ZC3H14: variants seen among roughly 807,000 people sequenced by gnomAD.
ZC3H14 encodes the protein zinc finger CCCH domain-containing protein 14.
Under a neutral mutation model 92.4 loss-of-function variants are expected in ZC3H14, and 31 were observed. That is an observed-to-expected ratio of 0.34 (90% confidence interval 0.25 to 0.45). The LOEUF is 0.45. Among genes scored for constraint, ZC3H14 ranks in the 20% least tolerant of loss-of-function variants. The pLI is 1.00. For synonymous variants in ZC3H14, 321 were observed against 300.9 expected (o/e 1.07, Z -0.69); for missense variants, 781 against 897.3 (o/e 0.87, Z 1.66).
intron 9 of ZC3H14, among the ~76,000 whole-genome samples, chr14:88,593,508 G>T (rs1408362335): frequency 1.3e-5 from 2 of 152,146 alleles, no homozygotes; most frequent in Non-Finnish European, 2.9e-5. Context: ...AGACTGTGTG[G>T]TACTGGCATA....
At position 88,615,472 on chromosome 14, in the gene ZC3H14, A is replaced by G. The variant is rs1336969473; in HGVS notation, c.*3721A>G. On this transcript the variant is annotated 3_prime_UTR_variant, in exon 17 of 17. Transcript: ENST00000251038. ...CTAAAAAGATAATGAAAATTATCCA[A>G]ATTGGGTTTTTGAGTTCTTCTGTAA... The G allele has an allele frequency of 8.8e-6, 2 of 226,130 alleles. No individual in the cohort carries two copies. The highest frequency in any genetic ancestry group is 1.7e-5 in the Non-Finnish European group (2 of 116,708). The allele number at this position is 226,130 out of a possible 1,614,324, so 14.0% of individuals were successfully genotyped here.
intron 9 of ZC3H14, among the ~76,000 whole-genome samples, chr14:88,592,833 G>T (rs943961834): frequency 1.3e-5 from 2 of 152,084 alleles, no homozygotes; most frequent in Admixed American, 6.5e-5. Flanking sequence ...ATAGTGAGCA[G>T]CATCTACCAA....
At chr14:88,604,396 G>C (rs1468868994) in intron 12 of ZC3H14, among the ~76,000 whole-genome samples, 1 of 152,078 alleles carries the variant, frequency 6.6e-6, no homozygotes, top group Non-Finnish European at 1.5e-5. Flanking sequence ...TGTGGCTGGA[G>C]AGACTCCTGC....
chr14:88,588,311 G>A (rs1225974487), intron 9 of ZC3H14, among the ~76,000 whole-genome samples: 2 of 152,020 alleles, frequency 1.3e-5, no homozygotes, highest in Non-Finnish European at 2.9e-5. Flanking sequence ...GCATTTCTCC[G>A]TTTTGTAATC....
At chr14:88,581,631 G>A (rs1470125047) in intron 9 of ZC3H14, among the ~76,000 whole-genome samples, 2 of 152,134 alleles carry the variant, frequency 1.3e-5, no homozygotes, top group Non-Finnish European at 2.9e-5. Flanking sequence ...GTCTGGGGCA[G>A]GAAATGTTAA....
At position 88,572,157 on chromosome 14, in the gene ZC3H14, C is replaced by T. The variant is rs376580827; in HGVS notation, c.363C>T (p.Ser121=). 8.1e-6 allele frequency: 13 copies of T among 1,613,930 alleles called. No individual in the cohort carries two copies. The highest frequency in any genetic ancestry group is 3.3e-5 in the Admixed American group (2 of 59,976). The change falls in exon 5 of 17, where the codon AGC becomes AGT. Residue 121 remains serine (S), a synonymous_variant. Transcript: ENST00000251038. The part of the protein sequence containing the change: ...EAAVPPLAIP[S]ARPEKRDSRV... ...CAGTGCCACCACTTGCCATTCCTAGCGCGAGACCTGAAAAAAGAGATTCCA... is the reference window on the plus strand; with the variant it reads ...CAGTGCCACCACTTGCCATTCCTAGTGCGAGACCTGAAAAAAGAGATTCCA...
In ZC3H14 at chr14:88,563,623, A is replaced by G. The variant is rs1274026926; in HGVS notation, c.37-28A>G. The G allele has an allele frequency of 5.0e-6, 8 of 1,613,552 alleles. No homozygotes were observed. The Admixed American group carries it at 1.2e-4, about 24-fold the overall frequency. ...TTGTTTTCCTAGAGCCGCCTTTCTCACATGCACGTTTGCTCTTTTTCTCTC... is the reference window on the plus strand; with the variant it reads ...TTGTTTTCCTAGAGCCGCCTTTCTCGCATGCACGTTTGCTCTTTTTCTCTC... On this transcript the variant is annotated intron_variant, in intron 1 of 16. Coordinates refer to ENST00000251038, the MANE Select transcript of ZC3H14 (RefSeq NM_024824.5).
chr14:88,618,379 C>G lies in ZC3H14; in HGVS notation c.*6628C>G, dbSNP rs771323404. The G allele has an allele frequency of 1.1e-5, 16 of 1,509,822 alleles. No homozygotes were observed. The highest frequency in any genetic ancestry group is 4.5e-5 in the South Asian group (4 of 88,112). 93.5% of individuals were successfully genotyped at this position (1,509,822 alleles called of 1,614,324 possible). ...GACAAGAATTCCATTAGGTGAGAGA[C>G]AAAATCCACAGGGGGTTTACAGAAT... On this transcript the variant is annotated 3_prime_UTR_variant, in exon 17 of 17. Coordinates refer to ENST00000251038, the MANE Select transcript of ZC3H14 (RefSeq NM_024824.5).
At position 88,626,642 on chromosome 14, in the gene ZC3H14, CCT is replaced by C. The variant is rs2089986800; in HGVS notation, c.*14895_*14896del. 4.8e-6 allele frequency: 3 copies of C among 626,090 alleles called. No homozygotes were observed. The African/African-American group carries it at 5.5e-5, about 12-fold the overall frequency. The allele number at this position is 626,090 out of a possible 1,614,324, so 38.8% of individuals were successfully genotyped here. A position where few individuals can be genotyped will look rare whatever the true frequency, so the allele number is the denominator to read the frequency against. On this transcript the variant is annotated 3_prime_UTR_variant, in exon 17 of 17. Coordinates refer to ENST00000251038, the MANE Select transcript of ZC3H14 (RefSeq NM_024824.5). The stretch of plus-strand genomic sequence containing the variant: ...AAAAAAAAAAAAAAATCCTTTTCCC[CCT>C]CTCATTAACATTCTTTTCACTCCCT...
Position 88,609,373 on chromosome 14 carries a change from A to G in ZC3H14, c.1975A>G (p.Arg659Gly), listed in dbSNP as rs138412546. 2 of 1,613,974 alleles carry G rather than the reference A, an allele frequency of 1.2e-6. No individual in the cohort carries two copies. Among genetic ancestry groups the G allele is most frequent in the African/African-American group, 2.7e-5 (2 of 74,928 alleles). Residue 659 changes from arginine (R) to glycine (G), a missense_variant, in exon 14 of 17, where the codon AGA becomes GGA. Arg to Gly is a moderately radical substitution (Grantham distance 125). Around this residue, in one of 3 missense-constraint regions of ZC3H14, gnomAD observed 221 missense variants for 304.7 expected, o/e 0.73. Coordinates refer to ENST00000251038, the MANE Select transcript of ZC3H14 (RefSeq NM_024824.5). ...KPDCPFTHVSRRIPVLSPKPA... is the reference protein window; with the variant it reads ...KPDCPFTHVSGRIPVLSPKPA... ...AGATTGTCCCTTCACTCATGTGAGTAGAAGAATTCCAGTACTGTCTCCAAA... is the reference window on the plus strand; with the variant it reads ...AGATTGTCCCTTCACTCATGTGAGTGGAAGAATTCCAGTACTGTCTCCAAA...
chr14:88,593,348 T>C (rs1314053536), intron 9 of ZC3H14, among the ~76,000 whole-genome samples: 1 of 152,192 alleles, frequency 6.6e-6, no homozygotes, highest in Non-Finnish European at 1.5e-5. Context: ...AAACCCCAAA[T>C]TGCTTTTTTT....
rs75030776 is a variant in ZC3H14, at chr14:88,608,562, C to T, written c.1869-705C>T. 1,662 of 236,196 alleles carry T rather than the reference C, an allele frequency of 7.0e-3. 28 individuals are homozygous for T. The highest frequency in any genetic ancestry group is 0.037 in the African/African-American group (1,585 of 43,086). 14.6% of individuals were successfully genotyped at this position (236,196 alleles called of 1,614,324 possible). ...GGGTGGGGGGGCTTTGTTTGTGCCT[C>T]GGACCTGTGAGATACTGAAATACCT... On this transcript the variant is annotated intron_variant, in intron 13 of 16. Coordinates refer to ENST00000251038, the MANE Select transcript of ZC3H14 (RefSeq NM_024824.5).
At chr14:88,566,706 G>C (rs1347392487) in intron 2 of ZC3H14, among the ~76,000 whole-genome samples, 1 of 152,126 alleles carries the variant, frequency 6.6e-6, no homozygotes, top group African/African-American at 2.4e-5. Flanking sequence ...GATCACTTGA[G>C]GTCAGGAGTT....
In ZC3H14 at chr14:88,610,935, A is replaced by G; in HGVS notation, c.2199A>G (p.Gln733=). 6.2e-7 allele frequency: 1 copy of G among 1,613,834 alleles called. No individual in the cohort carries two copies. Among genetic ancestry groups the G allele is most frequent in the South Asian group, 1.1e-5 (1 of 91,072 alleles). ...ATGCCTTGAAATGGATTCGACCTCA[A>G]ACCAGGTAAACATTCAAATTCGTTT... ...PRHALKWIRP[Q]TSE Residue 733 remains glutamine (Q), a synonymous_variant, in exon 16 of 17, where the codon CAA becomes CAG. Transcript: ENST00000251038.
rs761688263 is a variant in ZC3H14, at chr14:88,611,777, C to G, written c.*26C>G. 8.1e-6 allele frequency: 13 copies of G among 1,613,816 alleles called. No homozygotes were observed. In the South Asian group the frequency reaches 1.4e-4, roughly 18 times the overall value. On this transcript the variant is annotated 3_prime_UTR_variant, in exon 17 of 17. Transcript: ENST00000251038. ...CACCCAGTCCTGCCTGGCAGAAGAT[C>G]ATGCAGTTTGGAAGTTTTCATGTAC...
chr14:88,566,840 A>G (rs772147087), intron 2 of ZC3H14, among the ~76,000 whole-genome samples: 1 of 151,768 alleles, frequency 6.6e-6, no homozygotes, highest in Non-Finnish European at 1.5e-5. Flanking sequence ...GAATCGCTTG[A>G]ACCCAGGAAG....
intron 9 of ZC3H14, among the ~76,000 whole-genome samples, chr14:88,588,278 G>C (rs994152889): frequency 3.3e-5 from 5 of 152,044 alleles, no homozygotes; most frequent in African/African-American, 1.2e-4. Flanking sequence ...TGCAATTCCT[G>C]AATTCCATTT....
At chr14:88,563,277 C>T (rs2079103224) in intron 1 of ZC3H14, 108 bp downstream of exon 1, 2 of 1,537,098 alleles carry the variant, frequency 1.3e-6, no homozygotes, top group Non-Finnish European at 1.7e-6. Context: ...CTGGCCTCCG[C>T]TGGACGCTCC....
At chr14:88,596,929 C>T in intron 10 of ZC3H14, 121 bp downstream of exon 10, 1 of 838,652 alleles carries the variant, frequency 1.2e-6, no homozygotes, top group Admixed American at 2.0e-5. Context: ...ATATTTAGAT[C>T]TGTGAAAATA....
Sources: allele counts gnomAD v4.1 joint callset (sites outside exome capture counted in the v4.1 genomes callset), GRCh38; gene constraint gnomAD v4.1.1; regional missense constraint gnomAD v4.1.1; transcripts MANE v1.5; gene names NCBI Gene and HGNC (gene_info 2026-07-23, HGNC 2026-07-21).